BCL2L11: variants seen among roughly 807,000 people sequenced by gnomAD.
The protein encoded by BCL2L11 is bcl-2-like protein 11.
A neutral mutation model predicts 20.6 loss-of-function variants in BCL2L11; 15 were observed. That is an observed-to-expected ratio of 0.73 (90% CI 0.49 to 1.12). The LOEUF is 1.12. Ranked by LOEUF, BCL2L11 falls within the 50% of genes most tolerant of loss-of-function variation. The probability of loss-of-function intolerance (pLI) is 0.00; values close to 1 mark genes in which losing one functional copy is unlikely to be tolerated. For missense variants in BCL2L11, 292 were observed against 260.9 expected (o/e 1.12, Z -0.82); for synonymous variants, 108 against 92.8 (o/e 1.16, Z -0.94).
At chr2:111,133,964 C>A (rs1029281617) in intron 2 of BCL2L11, among the ~76,000 whole-genome samples, 2 of 152,106 alleles carry the variant, frequency 1.3e-5, no homozygotes, top group African/African-American at 4.8e-5. Context: ...TGTACTTTAT[C>A]TGGTATTAAT....
chr2:111,161,074 CT>C (rs2078491221), intron 3 of BCL2L11, among the ~76,000 whole-genome samples: 1 of 152,216 alleles, frequency 6.6e-6, no homozygotes, highest in African/African-American at 2.4e-5. Flanking sequence ...CCGTGGGTTT[CT>C]GTGTCCTGAT....
intron 3 of BCL2L11, among the ~76,000 whole-genome samples, chr2:111,150,585 C>T (rs1467297858): frequency 6.6e-6 from 1 of 152,160 alleles, no homozygotes; most frequent in African/African-American, 2.4e-5. Context: ...AAAGACTCTC[C>T]TGCAATTTGC....
chr2:111,127,537 C>G (rs1267864991), intron 2 of BCL2L11, among the ~76,000 whole-genome samples: 1 of 151,022 alleles, frequency 6.6e-6, no homozygotes, highest in South Asian at 2.1e-4. Flanking sequence ...CCTGCAGATG[C>G]TAGCGAGTGC....
intron 3 of BCL2L11, among the ~76,000 whole-genome samples, chr2:111,150,571 T>C (rs1374617255): frequency 6.6e-6 from 1 of 152,214 alleles, no homozygotes; most frequent in Non-Finnish European, 1.5e-5. Context: ...CCAGCACTCA[T>C]GTAAAAGACT....
At chr2:111,132,370 G>C (rs2074108871) in intron 2 of BCL2L11, 1 of 152,210 alleles carries the variant, frequency 6.6e-6, no homozygotes, top group African/African-American at 2.4e-5. Flanking sequence ...TAGCTAGGAA[G>C]TAATTCAGGA....
Position 111,150,153 on chromosome 2 carries a change from G to T in BCL2L11, c.498+6G>T. The T allele has an allele frequency of 6.2e-7, 1 of 1,613,162 alleles. No individual in the cohort carries two copies. Among genetic ancestry groups the T allele is most frequent in the Non-Finnish European group, 8.5e-7 (1 of 1,179,440 alleles). On this transcript the variant is annotated splice_donor_region_variant and intron_variant, in intron 3 of 3. Coordinates refer to ENST00000393256, the MANE Select transcript of BCL2L11 (RefSeq NM_138621.5). ...ACGCTTACTATGCAAGGAGGGTAAT[G>T]ATGTTTTCTTTACCCGCTTTTCTGC...
At chr2:111,144,455 C>A in intron 2 of BCL2L11, 1 of 1,549,782 alleles carries the variant, frequency 6.5e-7, no homozygotes, top group Non-Finnish European at 8.7e-7. Context: ...TTACCGCAAA[C>A]GCTGATGGCA....
intron 2 of BCL2L11, among the ~76,000 whole-genome samples, chr2:111,135,520 G>A (rs773555607): frequency 6.6e-6 from 1 of 151,912 alleles, no homozygotes; most frequent in Non-Finnish European, 1.5e-5. Flanking sequence ...GCTTCCCTCT[G>A]AGGGAAGCTG....
At chr2:111,151,246 T>C (rs896538512) in intron 3 of BCL2L11, among the ~76,000 whole-genome samples, 5 of 152,176 alleles carry the variant, frequency 3.3e-5, no homozygotes, top group Non-Finnish European at 7.4e-5. Context: ...CTCCAGGAGT[T>C]AGTACCATTG....
chr2:111,133,519 A>G (rs1410518276), intron 2 of BCL2L11, among the ~76,000 whole-genome samples: 1 of 152,190 alleles, frequency 6.6e-6, no homozygotes, highest in African/African-American at 2.4e-5. Context: ...TTTATTTCCA[A>G]AAATACCTAA....
In BCL2L11 at chr2:111,154,871, AT is replaced by A. The variant is rs575849003; in HGVS notation, c.498+4728del. On this transcript the variant is annotated intron_variant, in intron 3 of 3. Coordinates refer to ENST00000393256, the MANE Select transcript of BCL2L11 (RefSeq NM_138621.5). ...CTGCAATGCGTTACTGTCAATATTT[AT>A]TTTGATGCTCAGATTCTTAATGATT... 1.4e-4 allele frequency among the ~76,000 whole-genome samples: 22 copies of A among 152,298 alleles called. No individual in the cohort carries two copies. The South Asian group carries it at 4.6e-3, about 32-fold the overall frequency.
intron 3 of BCL2L11, chr2:111,163,158 C>A (rs745349025): frequency 6.5e-6 from 1 of 153,180 alleles, no homozygotes; most frequent in Non-Finnish European, 1.5e-5. Context: ...GTTGTCTCAG[C>A]CTGATGCATG....
At chr2:111,128,598 C>G (rs1444727389) in intron 2 of BCL2L11, 18 of 1,490,274 alleles carry the variant, frequency 1.2e-5, no homozygotes, top group Non-Finnish European at 1.5e-5. Context: ...ACATACTTAC[C>G]AACACTTTTT....
chr2:111,164,239 T>A lies in BCL2L11; in HGVS notation c.*8T>A. 6.3e-7 allele frequency: 1 copy of A among 1,589,514 alleles called. No homozygotes were observed. The highest frequency in any genetic ancestry group is 1.1e-5 in the South Asian group (1 of 90,554). On this transcript the variant is annotated 3_prime_UTR_variant, in exon 4 of 4. Coordinates refer to ENST00000393256, the MANE Select transcript of BCL2L11 (RefSeq NM_138621.5). ...GTGTGGAGAATGCATTGACAGGTTC[T>A]TTGCGGAGCCGAGATACCATGCAGA...
intron 2 of BCL2L11, among the ~76,000 whole-genome samples, chr2:111,148,133 C>T (rs897716747): frequency 3.9e-5 from 6 of 152,132 alleles, no homozygotes; most frequent in East Asian, 1.9e-4. Context: ...CTTCTGACTC[C>T]GGGGCTGAAG....
At chr2:111,158,987 C>T (rs949699144) in intron 3 of BCL2L11, among the ~76,000 whole-genome samples, 2 of 152,218 alleles carry the variant, frequency 1.3e-5, no homozygotes, top group Non-Finnish European at 2.9e-5. Context: ...GGGTGTCAGC[C>T]CTGCCTTTGG....
rs572096129 is a variant in BCL2L11, at chr2:111,135,836, C to CT, written c.394+11698dup. ...TTAGTAGAGGTGGAGGCTTAGCTCA[C>CT]TGCTCACTGCTCAGCCCCACTAATG... On this transcript the variant is annotated intron_variant, in intron 2 of 3. Transcript: ENST00000393256. Among the ~76,000 whole-genome samples, 519 of 152,282 alleles carry CT rather than the reference C, an allele frequency of 3.4e-3. 4 individuals carry two copies. Among genetic ancestry groups the CT allele is most frequent in the Non-Finnish European group, 3.8e-3 (260 of 68,000 alleles).
chr2:111,146,307 G>T, intron 2 of BCL2L11: 1 of 868,114 alleles, frequency 1.2e-6, no homozygotes, highest in East Asian at 1.2e-4. Flanking sequence ...ATTTACGGCG[G>T]TCAGACACAT....
rs1053490471 is a variant in BCL2L11, at chr2:111,153,951, G to A, written c.498+3804G>A. ...ATGTCCCCTCTTCTCTCCCGATGCA[G>A]TGTCATTCCCAGGTGAACCTGCCGG... On this transcript the variant is annotated intron_variant, in intron 3 of 3. Coordinates refer to ENST00000393256, the MANE Select transcript of BCL2L11 (RefSeq NM_138621.5). 1.6e-5 allele frequency: 23 copies of A among 1,459,584 alleles called. No individual in the cohort carries two copies. In the Admixed American group the frequency reaches 2.7e-4, roughly 17 times the overall value. The allele number at this position is 1,459,584 out of a possible 1,614,324, so 90.4% of individuals were successfully genotyped here.
Sources: gnomAD v4.1 joint callset for allele counts (sites outside exome capture counted in the v4.1 genomes callset) on GRCh38, gnomAD v4.1.1 for gene constraint, MANE v1.5 for transcripts, NCBI Gene and HGNC (gene_info 2026-07-23, HGNC 2026-07-21) for gene names.